The following SEMA3A variants were observed in gnomAD, a reference collection of about 807,000 sequenced individuals.
SEMA3A encodes the protein semaphorin-3A.
In SEMA3A, 29 loss-of-function variants were observed where a neutral mutation model predicts 97.9. The observed-to-expected ratio is 0.30, with a 90% confidence interval of 0.22 to 0.40. The LOEUF is 0.40. SEMA3A is among the 10% of genes least tolerant of loss of function. SEMA3A has a pLI of 1.00. For synonymous variants in SEMA3A, 321 were observed against 323.7 expected (o/e 0.99, Z 0.09); for missense variants, 763 against 951.3 (o/e 0.80, Z 2.60).
At chr7:84,213,331 T>C (rs1425119408) in intron 3 of SEMA3A, among the ~76,000 whole-genome samples, 1 of 152,080 alleles carries the variant, frequency 6.6e-6, no homozygotes. Flanking sequence ...GGATGGAATG[T>C]AGTGGAGTGC....
intron 6 of SEMA3A, among the ~76,000 whole-genome samples, chr7:84,019,218 G>A (rs1039483609): frequency 1.3e-5 from 2 of 152,090 alleles, no homozygotes; most frequent in African/African-American, 2.4e-5. Flanking sequence ...TGTGAGCAAG[G>A]GAACATTTGA....
chr7:84,247,848 T>C (rs1799512844), intron 3 of SEMA3A, among the ~76,000 whole-genome samples: 1 of 152,152 alleles, frequency 6.6e-6, no homozygotes, highest in African/African-American at 2.4e-5. Flanking sequence ...CTACAGACAG[T>C]GATGACTCAG....
At chr7:84,003,109 T>TGAGA (rs1298376636) in intron 11 of SEMA3A, among the ~76,000 whole-genome samples, 1 of 152,228 alleles carries the variant, frequency 6.6e-6, no homozygotes, top group East Asian at 1.9e-4. Flanking sequence ...ATAAATTATA[T>TGAGA]GAGAAAAATA....
intron 6 of SEMA3A, among the ~76,000 whole-genome samples, chr7:84,024,011 C>CA (rs397890179): frequency 0.19 from 21,286 of 113,502 alleles, 1,923 homozygotes; most frequent in East Asian, 0.4. Context: ...GACTCCGTCT[C>CA]AAAAAAAAAA....
At chr7:84,055,119 G>A (rs1193182777) in intron 5 of SEMA3A, among the ~76,000 whole-genome samples, 1 of 152,008 alleles carries the variant, frequency 6.6e-6, no homozygotes, top group African/African-American at 2.4e-5. Flanking sequence ...CTGTCAGACA[G>A]GGCCATTTAA....
At chr7:83,965,957 G>T (rs1462651864) in intron 15 of SEMA3A, among the ~76,000 whole-genome samples, 3 of 150,288 alleles carry the variant, frequency 2.0e-5, no homozygotes, top group East Asian at 4.0e-4. Context: ...GGGATTACAG[G>T]TGTGAGCCAC....
At chr7:84,216,105 T>C (rs1382326901) in intron 3 of SEMA3A, among the ~76,000 whole-genome samples, 1 of 152,202 alleles carries the variant, frequency 6.6e-6, no homozygotes, top group Non-Finnish European at 1.5e-5. Context: ...AGCCTCGCTC[T>C]GTAGCCAGGT....
At chr7:84,481,676 T>A (rs1036325109) in intron 1 of SEMA3A, among the ~76,000 whole-genome samples, 1 of 152,160 alleles carries the variant, frequency 6.6e-6, no homozygotes, top group Non-Finnish European at 1.5e-5. Context: ...TCTTTTCAGC[T>A]AATTATATTG....
intron 4 of SEMA3A, among the ~76,000 whole-genome samples, chr7:84,106,527 A>C (rs957735150): frequency 1.3e-5 from 2 of 152,206 alleles, no homozygotes; most frequent in Non-Finnish European, 2.9e-5. Context: ...TAAACAACGC[A>C]TGACTGTATT....
chr7:84,211,007 G>T (rs190279251), intron 3 of SEMA3A, among the ~76,000 whole-genome samples: 6 of 151,948 alleles, frequency 3.9e-5, no homozygotes, highest in Non-Finnish European at 7.4e-5. Flanking sequence ...AAAACTTTTT[G>T]TTCATGTTTT....
intron 14 of SEMA3A, among the ~76,000 whole-genome samples, chr7:83,978,152 T>C (rs1161358868): frequency 3.9e-5 from 6 of 152,146 alleles, no homozygotes; most frequent in Admixed American, 3.9e-4. Flanking sequence ...CATATGGCTA[T>C]GATTGCAAAC....
At chr7:84,458,892 C>T (rs770518064) in intron 1 of SEMA3A, among the ~76,000 whole-genome samples, 2 of 151,936 alleles carry the variant, frequency 1.3e-5, no homozygotes, top group African/African-American at 2.4e-5. Context: ...CTATTGAATA[C>T]TAGAACTTAT....
At chr7:84,168,995 A>C (rs1406175125) in intron 1 of SEMA3A, among the ~76,000 whole-genome samples, 1 of 151,792 alleles carries the variant, frequency 6.6e-6, no homozygotes, top group Non-Finnish European at 1.5e-5. Flanking sequence ...TGCTTAAAAA[A>C]TGTTGAGGCT....
At chr7:84,299,327 C>CATATATATATCTCCATAT (rs1800947881) in intron 3 of SEMA3A, among the ~76,000 whole-genome samples, 1 of 95,026 alleles carries the variant, frequency 1.1e-5, no homozygotes, top group Non-Finnish European at 2.3e-5. Context: ...TATATATCTC[C>CATATATATATCTCCATAT]ATATATATGT....
chr7:84,124,326 G>A (rs1019987903), intron 3 of SEMA3A, among the ~76,000 whole-genome samples: 1 of 152,192 alleles, frequency 6.6e-6, no homozygotes, highest in Non-Finnish European at 1.5e-5. Context: ...GAAATGGTAA[G>A]TGCAGGCTCC....
At chr7:84,126,166 G>A (rs181372208) in intron 3 of SEMA3A, among the ~76,000 whole-genome samples, 3 of 152,036 alleles carry the variant, frequency 2.0e-5, no homozygotes, top group Non-Finnish European at 2.9e-5. Context: ...ATTTTGCATG[G>A]GTTCCTTTGA....
intron 1 of SEMA3A, among the ~76,000 whole-genome samples, chr7:84,381,481 C>A (rs528560715): frequency 6.6e-6 from 1 of 152,246 alleles, no homozygotes; most frequent in South Asian, 2.1e-4. Context: ...ATGTCTTCTG[C>A]AAAACAGTCT....
intron 1 of SEMA3A, among the ~76,000 whole-genome samples, chr7:84,424,626 T>TATAATATATA (rs1562942769): frequency 3.0e-5 from 1 of 33,628 alleles, no homozygotes; most frequent in Non-Finnish European, 4.3e-5. Flanking sequence ...TAATATATAA[T>TATAATATATA]ATATATACAA....
intron 12 of SEMA3A, among the ~76,000 whole-genome samples, chr7:83,999,131 T>C (rs13236626): frequency 0.23 from 35,157 of 152,050 alleles, 4,230 homozygotes; most frequent in Middle Eastern, 0.26. Flanking sequence ...TTAGGCCCAT[T>C]ATAATCTTAT....
Sources: gnomAD v4.1 joint callset for allele counts (sites outside exome capture counted in the v4.1 genomes callset) on GRCh38, gnomAD v4.1.1 for gene constraint, MANE v1.5 for transcripts, NCBI Gene and HGNC (gene_info 2026-07-23, HGNC 2026-07-21) for gene names.